The following TIMELESS variants were observed in gnomAD, a reference collection of about 807,000 sequenced individuals.
TIMELESS encodes the protein timeless circadian regulator, also known as protein timeless homolog.
In TIMELESS, 124 loss-of-function variants were observed where a neutral mutation model predicts 164.3. That is an observed-to-expected ratio of 0.75 (90% CI 0.65 to 0.88). The LOEUF (loss-of-function observed/expected upper bound fraction) is 0.88, where lower values mean the gene tolerates loss of function less well. Among genes scored for constraint, TIMELESS ranks in the 40% least tolerant of loss-of-function variants. The probability of loss-of-function intolerance (pLI) is 0.00; values close to 1 mark genes in which losing one functional copy is unlikely to be tolerated. For missense variants in TIMELESS, 1,422 were observed against 1,491.4 expected (o/e 0.95, Z 0.77); for synonymous variants, 564 against 563.4 (o/e 1.00, Z -0.02).
In TIMELESS at chr12:56,418,243, G is replaced by T. The variant is rs11551823; in HGVS notation, c.3345C>A (p.Val1115=). ...CCTCATCAGAGCCTTGCTCTCCAGG[G>T]ACTTTAGGCTGCAGCTCTGGCTGCA... ...QKLQPELQPK[V]PGEQGSDEEH... Residue 1115 remains valine, a synonymous_variant, in exon 27 of 29, where the codon GTC becomes GTA. Transcript: ENST00000553532. 1.2e-6 allele frequency: 2 copies of T among 1,614,074 alleles called. No homozygotes were observed. Among genetic ancestry groups the T allele is most frequent in the Non-Finnish European group, 1.7e-6 (2 of 1,180,056 alleles).
At position 56,420,834 on chromosome 12, in the gene TIMELESS, C is replaced by T; in HGVS notation, c.3088G>A (p.Ala1030Thr). The change falls in exon 25 of 29, where the codon GCT becomes ACT. Residue 1030 changes from alanine (A) to threonine (T), a missense_variant. Physicochemically the swap from Ala to Thr is moderately conservative, Grantham distance 58. Transcript: ENST00000553532. ...TCACCATCCTCTTCCCGATCATCAG[C>T]TGCTCGGATCAGGCAGTTCTGGAGC... is the stretch of plus-strand genomic sequence containing the variant. Reference protein sequence around the residue: ...LWLQNCLIRAADDREEDGCSQ... With the variant: ...LWLQNCLIRATDDREEDGCSQ... 8 of 1,614,242 alleles carry T rather than the reference C, an allele frequency of 5.0e-6. No homozygotes were observed. The highest frequency in any genetic ancestry group is 6.8e-6 in the Non-Finnish European group (8 of 1,180,044).
In TIMELESS at chr12:56,433,815, G is replaced by A. The variant is rs1257520894; in HGVS notation, c.209C>T (p.Thr70Ile). The change falls in exon 3 of 29, where the codon ACC becomes ATC. Residue 70 changes from threonine (T) to isoleucine (I), a missense_variant. Coordinates refer to ENST00000553532, the MANE Select transcript of TIMELESS (RefSeq NM_003920.5). ...ILQSDLLPIL[T>I]QHHQDKPLFD... ...GAGAGGCTTGTCCTGGTGGTGCTGG[G>A]TGAGGATGGGCAGAAGGTCGCTCTG... is the stretch of plus-strand genomic sequence containing the variant. 2 of 1,614,072 alleles carry A rather than the reference G, an allele frequency of 1.2e-6. No homozygotes were observed. The highest frequency in any genetic ancestry group is 4.5e-5 in the East Asian group (2 of 44,902).
chr12:56,433,704 A>G (rs775787472), intron 3 of TIMELESS, 52 bp from the exon 4 acceptor site: 2 of 1,613,564 alleles, frequency 1.2e-6, no homozygotes, highest in East Asian at 4.5e-5. Flanking sequence ...ACCAGCTCAA[A>G]CGCCAAACCT....
intron 1 of TIMELESS, among the ~76,000 whole-genome samples, chr12:56,439,873 A>G (rs1388917916): frequency 1.3e-5 from 2 of 152,232 alleles, no homozygotes; most frequent in Non-Finnish European, 2.9e-5. Context: ...TTTAATAAAT[A>G]TGACTTCATG....
chr12:56,423,780 G>T lies in TIMELESS; in HGVS notation c.1966+17C>A, dbSNP rs1592245769. 7 of 1,614,162 alleles carry T rather than the reference G, an allele frequency of 4.3e-6. No homozygotes were observed. The Middle Eastern group carries it at 6.6e-4, about 152-fold the overall frequency. On this transcript the variant is annotated intron_variant, in intron 16 of 28. Transcript: ENST00000553532. ...AAAAGAGCTGGAAGGAGACAGATGTGAAGGGTGGAGACTCACGGGGAAGTG... is the reference window on the plus strand; with the variant it reads ...AAAAGAGCTGGAAGGAGACAGATGTTAAGGGTGGAGACTCACGGGGAAGTG...
intron 1 of TIMELESS, among the ~76,000 whole-genome samples, chr12:56,444,662 G>A (rs533314797): frequency 3.3e-5 from 5 of 151,034 alleles, no homozygotes; most frequent in South Asian, 4.2e-4. Context: ...TCCTCCGACC[G>A]CAGCCTCCCA....
chr12:56,432,626 C>G (rs1031084542), intron 6 of TIMELESS, 102 bp from the exon 7 acceptor site: 1 of 1,495,828 alleles, frequency 6.7e-7, no homozygotes. Flanking sequence ...CTCTCCCAGA[C>G]TTGTCAGAGG....
intron 6 of TIMELESS, among the ~76,000 whole-genome samples, chr12:56,432,788 CA>C (rs71081356): frequency 0.045 from 6,590 of 147,022 alleles, 279 homozygotes; most frequent in South Asian, 0.12. Context: ...ACTAAAAATA[CA>C]AAAAAAAAAA....
Position 56,428,223 on chromosome 12 carries a change from G to A in TIMELESS, c.1578+13C>T, listed in dbSNP as rs760540726. 1.1e-5 allele frequency: 18 copies of A among 1,574,524 alleles called. No homozygotes were observed. Among genetic ancestry groups the A allele is most frequent in the Non-Finnish European group, 1.5e-5 (17 of 1,157,844 alleles). On this transcript the variant is annotated intron_variant, in intron 13 of 28. Transcript: ENST00000553532. ...CCTTACAGCTCTTTCTACATTGTGGGGCTGCCCAGTACCTGCACCACCAGG... is the reference window on the plus strand; with the variant it reads ...CCTTACAGCTCTTTCTACATTGTGGAGCTGCCCAGTACCTGCACCACCAGG...
intron 16 of TIMELESS, 24 bp from the exon 17 acceptor site, chr12:56,423,731 G>A: frequency 6.2e-7 from 1 of 1,614,078 alleles, no homozygotes; most frequent in Non-Finnish European, 8.5e-7. Flanking sequence ...GAGGATTACT[G>A]AGTCTCTGTT....
chr12:56,429,807 C>T (rs868153642), intron 10 of TIMELESS, among the ~76,000 whole-genome samples: 2 of 151,662 alleles, frequency 1.3e-5, no homozygotes, highest in African/African-American at 4.8e-5. Flanking sequence ...TGAGCCACCA[C>T]GCCGGGACAC....
intron 19 of TIMELESS, among the ~76,000 whole-genome samples, chr12:56,422,545 T>C (rs1374147102): frequency 6.6e-6 from 1 of 152,016 alleles, no homozygotes; most frequent in Non-Finnish European, 1.5e-5. Context: ...CCAGCACATT[T>C]TGGGAGAGGT....
chr12:56,426,519 TGG>T (rs1881683543), intron 13 of TIMELESS, among the ~76,000 whole-genome samples: 1 of 151,812 alleles, frequency 6.6e-6, no homozygotes, highest in Admixed American at 6.6e-5. Flanking sequence ...CCCAAGTACC[TGG>T]GATTACAGGT....
In TIMELESS at chr12:56,421,091, A is replaced by C; in HGVS notation, c.2912T>G (p.Leu971Arg). The change falls in exon 24 of 29, where the codon CTG (leucine) becomes CGG (arginine). Residue 971 changes from leucine to arginine, a missense_variant. Coordinates refer to ENST00000553532, the MANE Select transcript of TIMELESS (RefSeq NM_003920.5). ...ESLKDFCQED[L>R]EEEENLPEED... ...CTCAGGCAGGTTTTCCTCTTCTTCC[A>C]GATCTTCCTGGCAAAAATCTTTCAG... The C allele has an allele frequency of 6.2e-7, 1 of 1,614,138 alleles. No homozygotes were observed. Among genetic ancestry groups the C allele is most frequent in the Non-Finnish European group, 8.5e-7 (1 of 1,180,030 alleles).
At chr12:56,441,094 G>T (rs572367871) in intron 1 of TIMELESS, among the ~76,000 whole-genome samples, 1 of 151,880 alleles carries the variant, frequency 6.6e-6, no homozygotes, top group Non-Finnish European at 1.5e-5. Flanking sequence ...CTGGGATTAC[G>T]GGCATGAGCC....
chr12:56,433,271 G>T, intron 5 of TIMELESS, 110 bp downstream of exon 5: 1 of 1,401,932 alleles, frequency 7.1e-7, no homozygotes, highest in Non-Finnish European at 1.0e-6. Flanking sequence ...ACTATGGATC[G>T]GACTACCACA....
intron 1 of TIMELESS, among the ~76,000 whole-genome samples, chr12:56,438,044 A>AT (rs113700259): frequency 5.9e-4 from 86 of 144,586 alleles, no homozygotes; most frequent in South Asian, 1.5e-3. Flanking sequence ...CTTGATAAAC[A>AT]TTTTTTTTTT....
chr12:56,419,199 C>T (rs1238237555), intron 26 of TIMELESS, among the ~76,000 whole-genome samples: 8 of 151,814 alleles, frequency 5.3e-5, no homozygotes, highest in Non-Finnish European at 5.9e-5. Flanking sequence ...GCCATGTTGG[C>T]CAGGCTGGTC....
chr12:56,422,567 T>C (rs376230861), intron 19 of TIMELESS, among the ~76,000 whole-genome samples: 23 of 151,984 alleles, frequency 1.5e-4, no homozygotes, highest in African/African-American at 5.6e-4. Context: ...GCACACAGAC[T>C]CCCTCTGGGC....
Sources: gnomAD v4.1 joint callset for allele counts (sites outside exome capture counted in the v4.1 genomes callset) on GRCh38, gnomAD v4.1.1 for gene constraint, MANE v1.5 for transcripts, NCBI Gene and HGNC (gene_info 2026-07-23, HGNC 2026-07-21) for gene names.